XYLB: variants seen among roughly 807,000 people sequenced by gnomAD.
XYLB encodes the protein xylulokinase, also known as xylulose kinase.
In XYLB, 62 loss-of-function variants were observed where a neutral mutation model predicts 78.7. The ratio of observed to expected loss-of-function variants is 0.79; its 90% CI spans 0.64 to 0.97. The LOEUF (loss-of-function observed/expected upper bound fraction) is 0.97, where lower values mean the gene tolerates loss of function less well. Ranked by LOEUF, XYLB falls within the 50% of genes least tolerant of loss-of-function variation. The probability of loss-of-function intolerance (pLI) is 0.00; values close to 1 mark genes in which losing one functional copy is unlikely to be tolerated. For synonymous variants in XYLB, 245 were observed against 247.4 expected (o/e 0.99, Z 0.09); for missense variants, 687 against 676.8 (o/e 1.02, Z -0.17).
At chr3:38,347,816 T>C (rs2844433) in intron 1 of XYLB, among the ~76,000 whole-genome samples, 145,267 of 152,352 alleles carry the variant, frequency 0.95, 69,656 homozygotes, top group East Asian at 1. Flanking sequence ...GCCAACGCCC[T>C]GCAGACAGGC....
intron 2 of XYLB, among the ~76,000 whole-genome samples, chr3:38,353,233 GT>G (rs1297955919): frequency 2.0e-5 from 3 of 152,194 alleles, no homozygotes; most frequent in African/African-American, 7.2e-5. Flanking sequence ...CAGGTACGTA[GT>G]ATGACATTTG....
At chr3:38,347,984 T>C (rs185343780) in intron 1 of XYLB, among the ~76,000 whole-genome samples, 32 of 152,390 alleles carry the variant, frequency 2.1e-4, no homozygotes, top group African/African-American at 7.5e-4. Flanking sequence ...GAACGTCCTG[T>C]GGGACTCTGG....
chr3:38,390,911 A>G (rs1707623000), intron 15 of XYLB, among the ~76,000 whole-genome samples: 3 of 152,184 alleles, frequency 2.0e-5, no homozygotes, highest in Admixed American at 6.5e-5. Flanking sequence ...TCTGATGATC[A>G]GCACTCGGGT....
the XYLB span, among the ~76,000 whole-genome samples, chr3:38,432,162 G>A: frequency 4.6e-5 from 7 of 152,142 alleles, no homozygotes; most frequent in Non-Finnish European, 8.8e-5. Context: ...TTCTCTTCCA[G>A]CAGTCCCCGA....
rs1162611879 is a variant in XYLB at position 38,368,205 on chromosome 3, CT to C, written c.597del (p.Phe199LeufsTer21). 1 of 1,614,120 alleles carries C rather than the reference CT, an allele frequency of 6.2e-7. No homozygotes were observed. The highest frequency in any genetic ancestry group is 8.5e-7 in the Non-Finnish European group (1 of 1,180,008). ...TACAGAGAATTTCTTTGGTCAGTAGCTTTGCTGCTTCCCTGTTCCTTGGCTC... is the reference window on the plus strand; with the variant it reads ...TACAGAGAATTTCTTTGGTCAGTAGCTTGCTGCTTCCCTGTTCCTTGGCTC... ...HTERISLVSS[F>X]AASLFLGSYS... is the part of the protein sequence containing the mutation. On this transcript the variant is annotated frameshift_variant, in exon 8 of 19. Coordinates refer to ENST00000207870, the MANE Select transcript of XYLB (RefSeq NM_005108.4). LOFTEE classifies it high-confidence loss of function.
chr3:38,372,113 T>C (rs999615832), intron 9 of XYLB, among the ~76,000 whole-genome samples: 3 of 152,206 alleles, frequency 2.0e-5, no homozygotes, highest in Non-Finnish European at 4.4e-5. Flanking sequence ...TCAAGACCCA[T>C]GTTTTTCGTC....
At chr3:38,407,007 C>G (rs1559618621) in intron 18 of XYLB, among the ~76,000 whole-genome samples, 1 of 145,628 alleles carries the variant, frequency 6.9e-6, no homozygotes, top group Non-Finnish European at 1.5e-5. Flanking sequence ...GGCAGGCCAA[C>G]ATTCAGATTC....
chr3:38,353,337 C>G (rs1270246416), intron 2 of XYLB, among the ~76,000 whole-genome samples: 1 of 152,094 alleles, frequency 6.6e-6, no homozygotes, highest in African/African-American at 2.4e-5. Flanking sequence ...GAGACAGGAG[C>G]TGGCTGTCAC....
chr3:38,411,195 C>T (rs535315809), intron 18 of XYLB, among the ~76,000 whole-genome samples: 1 of 152,260 alleles, frequency 6.6e-6, no homozygotes, highest in East Asian at 1.9e-4. Flanking sequence ...GAATACTATG[C>T]AGCCATAAAA....
intron 6 of XYLB, 130 bp from the exon 7 acceptor site, chr3:38,366,678 G>A (rs1706279864): frequency 1.6e-6 from 1 of 644,534 alleles, no homozygotes; most frequent in Non-Finnish European, 2.7e-6. Flanking sequence ...TGCCTGGTTG[G>A]GGCTTACTTT....
chr3:38,424,904 C>T (rs1475830233), downstream of XYLB, among the ~76,000 whole-genome samples: 1 of 152,214 alleles, frequency 6.6e-6, no homozygotes, highest in African/African-American at 2.4e-5. Flanking sequence ...TTGCTGATTG[C>T]CTAGTTGCTA....
At chr3:38,429,236 C>T in the XYLB span, among the ~76,000 whole-genome samples, 1 of 152,066 alleles carries the variant, frequency 6.6e-6, no homozygotes, top group Admixed American at 6.6e-5. Flanking sequence ...TCCTGCCCAC[C>T]CCTGCTTGTG....
At chr3:38,401,391 TCA>T (rs1708118951) in intron 18 of XYLB, among the ~76,000 whole-genome samples, 1 of 152,158 alleles carries the variant, frequency 6.6e-6, no homozygotes, top group Admixed American at 6.5e-5. Flanking sequence ...AAGGCAGACC[TCA>T]CTTGTTGCAG....
At chr3:38,360,043 G>A (rs1056436125) in intron 2 of XYLB, among the ~76,000 whole-genome samples, 4 of 152,140 alleles carry the variant, frequency 2.6e-5, no homozygotes, top group Non-Finnish European at 4.4e-5. Flanking sequence ...GGGCTTGAGA[G>A]GGATTTTATA....
At chr3:38,424,009 T>A (rs1402317284), downstream of XYLB, among the ~76,000 whole-genome samples, 1 of 152,196 alleles carries the variant, frequency 6.6e-6, no homozygotes, top group Non-Finnish European at 1.5e-5. Flanking sequence ...CTCTAGGCAT[T>A]CCTACCTCTG....
rs778191088 is a variant in XYLB, at chr3:38,366,906, AC to A, written c.573+34del. The stretch of plus-strand genomic sequence containing the variant: ...AAATGTTCCTGTTTGATTGAAAGTC[AC>A]AGTTGAATTCTTTTCATAATATGTT... On this transcript the variant is annotated intron_variant, in intron 7 of 18. Transcript: ENST00000207870. The A allele has an allele frequency of 1.0e-5, 15 of 1,442,338 alleles. No individual in the cohort carries two copies. The Admixed American group carries it at 2.6e-4, about 25-fold the overall frequency. The allele number at this position is 1,442,338 out of a possible 1,614,324, so 89.3% of individuals were successfully genotyped here. A position where few individuals can be genotyped will look rare whatever the true frequency, so the allele number is the denominator to read the frequency against.
chr3:38,360,537 G>A, intron 3 of XYLB, 129 bp downstream of exon 3: 2 of 754,166 alleles, frequency 2.7e-6, no homozygotes, highest in South Asian at 1.9e-5. Flanking sequence ...TCATGGGAAG[G>A]TGGAGTTGGC....
chr3:38,392,538 A>C (rs985506746), intron 15 of XYLB, among the ~76,000 whole-genome samples: 2 of 151,986 alleles, frequency 1.3e-5, no homozygotes, highest in Admixed American at 6.6e-5. Flanking sequence ...CTCAGGTGAT[A>C]CACCCGTCTC....
chr3:38,377,027 C>T (rs1004491423), intron 14 of XYLB, 36 bp downstream of exon 14: 1 of 1,568,102 alleles, frequency 6.4e-7, no homozygotes, highest in African/African-American at 1.4e-5. Context: ...TACATTGGCT[C>T]CATTTGTGAG....
Sources: allele counts gnomAD v4.1 joint callset (sites outside exome capture counted in the v4.1 genomes callset), GRCh38; gene constraint gnomAD v4.1.1; transcripts MANE v1.5; gene names NCBI Gene and HGNC (gene_info 2026-07-23, HGNC 2026-07-21).